Variants in FBP1 observed in about 807,000 individuals in gnomAD.
FBP1 encodes the protein fructose-1,6-bisphosphatase 1.
Under a neutral mutation model 29.9 loss-of-function variants are expected in FBP1, and 22 were observed. The ratio of observed to expected loss-of-function variants is 0.74; its 90% CI spans 0.53 to 1.05. The LOEUF (loss-of-function observed/expected upper bound fraction) is 1.05, where lower values mean the gene tolerates loss of function less well. Among genes scored for constraint, FBP1 ranks in the 50% least tolerant of loss-of-function variants. The pLI is 0.00. For synonymous variants in FBP1, 175 were observed against 178.6 expected (o/e 0.98, Z 0.16); for missense variants, 345 against 448.2 (o/e 0.77, Z 2.08).
At chr9:94,633,766 G>A (rs1319622554) in intron 1 of FBP1, among the ~76,000 whole-genome samples, 3 of 151,672 alleles carry the variant, frequency 2.0e-5, no homozygotes, top group African/African-American at 7.3e-5. Context: ...GTGCAGTGGC[G>A]CGATCTCGGC....
At chr9:94,618,373 C>T (rs1463613210) in intron 2 of FBP1, among the ~76,000 whole-genome samples, 1 of 147,612 alleles carries the variant, frequency 6.8e-6, no homozygotes, top group Non-Finnish European at 1.5e-5. Context: ...CTAATCCTAG[C>T]ACTTTGGGAG....
In FBP1 at chr9:94,603,392, A is replaced by C; in HGVS notation, c.1006T>G (p.Ser336Ala). 2 of 1,613,680 alleles carry C rather than the reference A, an allele frequency of 1.2e-6. No individual in the cohort carries two copies. Among genetic ancestry groups the C allele is most frequent in the South Asian group, 1.1e-5 (1 of 90,916 alleles). ...LEFLKVYEKH[S>A]AQ Reference sequence around the variant, plus strand: ...GGCAGGGCAGGTGCTCACTGGGCAGAGTGCTTCTCATACACCTTCAGGAAC... The same window carrying C: ...GGCAGGGCAGGTGCTCACTGGGCAGCGTGCTTCTCATACACCTTCAGGAAC... Residue 336 changes from serine (S) to alanine (A), a missense_variant, in exon 7 of 7, where the codon TCT (serine) becomes GCT (alanine). Transcript: ENST00000375326.
At chr9:94,637,178 T>C (rs1434498414) in intron 1 of FBP1, among the ~76,000 whole-genome samples, 7 of 152,120 alleles carry the variant, frequency 4.6e-5, no homozygotes, top group African/African-American at 1.4e-4. Context: ...CCTTAACATG[T>C]CTGCTTAATA....
At chr9:94,610,207 A>G in intron 3 of FBP1, 146 bp from the exon 4 acceptor site, 1 of 791,538 alleles carries the variant, frequency 1.3e-6, no homozygotes, top group Non-Finnish European at 2.1e-6. Context: ...ACACATCAGC[A>G]ATATCCTGAT....
chr9:94,639,663 C>T (rs1828256505), upstream of FBP1, among the ~76,000 whole-genome samples: 1 of 152,090 alleles, frequency 6.6e-6, no homozygotes, highest in Non-Finnish European at 1.5e-5. Flanking sequence ...GGGATCCTCC[C>T]TGCGGTCTCC....
intron 4 of FBP1, 48 bp from the exon 5 acceptor site, chr9:94,607,000 T>A (rs1489518577): frequency 2.5e-6 from 4 of 1,612,724 alleles, no homozygotes; most frequent in South Asian, 2.2e-5. Context: ...GCGCACTGGG[T>A]CCCCCAGGCC....
At chr9:94,607,343 C>T (rs1389494307) in intron 4 of FBP1, among the ~76,000 whole-genome samples, 1 of 152,158 alleles carries the variant, frequency 6.6e-6, no homozygotes, top group African/African-American at 2.4e-5. Flanking sequence ...AGGGTTGGTT[C>T]AGGCGGGAGG....
At chr9:94,632,966 G>A (rs1001491207) in intron 1 of FBP1, among the ~76,000 whole-genome samples, 1 of 152,202 alleles carries the variant, frequency 6.6e-6, no homozygotes, top group Non-Finnish European at 1.5e-5. Context: ...CAGGGCAAGC[G>A]TGCCAAAACA....
Position 94,606,803 on chromosome 9 carries a change from GCCCTCACTTACTGGGGGGAACTTCTTC to G in FBP1, c.690_705+11del. On this transcript the variant is annotated splice_donor_variant and splice_donor_5th_base_variant and coding_sequence_variant and intron_variant, in exon 5 of 7. Transcript: ENST00000375326. LOFTEE classifies it high-confidence loss of function. ...CCAGAACCTGCACCACCCTCCCCGG[GCCCTCACTTACTGGGGGGAACTTCTTC>G]CTCTGGATGTACTCAGTGACGGCAG... 1 of 1,612,690 alleles carries G rather than the reference GCCCTCACTTACTGGGGGGAACTTCTTC, an allele frequency of 6.2e-7. No individual in the cohort carries two copies. The highest frequency in any genetic ancestry group is 1.7e-4 in the Middle Eastern group (1 of 5,762).
At chr9:94,625,806 G>A (rs1194899814) in intron 1 of FBP1, among the ~76,000 whole-genome samples, 1 of 151,688 alleles carries the variant, frequency 6.6e-6, no homozygotes, top group Non-Finnish European at 1.5e-5. Flanking sequence ...AAGAAAGAAT[G>A]ACGGAGCTGC....
intron 1 of FBP1, among the ~76,000 whole-genome samples, chr9:94,627,005 A>G (rs7041595): frequency 0.36 from 55,143 of 151,928 alleles, 10,180 homozygotes; most frequent in Admixed American, 0.42. Context: ...CCTGACCAAC[A>G]TGGAGAAACC....
chr9:94,604,416 A>G (rs1325393593), intron 6 of FBP1, among the ~76,000 whole-genome samples: 5 of 151,834 alleles, frequency 3.3e-5, no homozygotes, highest in Non-Finnish European at 5.9e-5. Context: ...TGCTGCAAAC[A>G]GACCCAAATA....
At position 94,617,907 on chromosome 9, in the gene FBP1, T is replaced by G. The variant is rs1380341440; in HGVS notation, c.334-47A>C. 2.9e-6 allele frequency: 4 copies of G among 1,389,546 alleles called. No individual in the cohort carries two copies. In the South Asian group the frequency reaches 4.6e-5, roughly 16 times the overall value. The allele number at this position is 1,389,546 out of a possible 1,614,324, so 86.1% of individuals were successfully genotyped here. On this transcript the variant is annotated intron_variant, in intron 2 of 6. Coordinates refer to ENST00000375326, the MANE Select transcript of FBP1 (RefSeq NM_000507.4). ...ACAACCTTAAAATGTTATAGCAAGA[T>G]ACACTAAAGGAGTATACATTAGGGG...
Position 94,604,286 on chromosome 9 carries a change from C to T in FBP1, c.826-714G>A, listed in dbSNP as rs543886996. On this transcript the variant is annotated intron_variant, in intron 6 of 6. Transcript: ENST00000375326. ...CAATATTTGTGTTCAGGAACAATTT[C>T]GGGGGACTTTAGAGAAAAGTGCTGG... 9.9e-5 allele frequency among the ~76,000 whole-genome samples: 15 copies of T among 151,896 alleles called. No homozygotes were observed. In the East Asian group the frequency reaches 1.6e-3, roughly 16 times the overall value.
intron 3 of FBP1, among the ~76,000 whole-genome samples, chr9:94,612,481 C>T (rs369182933): frequency 1.3e-5 from 2 of 151,322 alleles, no homozygotes; most frequent in African/African-American, 4.9e-5. Context: ...CCCACATACT[C>T]AAAACGAAGA....
chr9:94,607,064 G>T, intron 4 of FBP1, 112 bp from the exon 5 acceptor site: 1 of 1,434,178 alleles, frequency 7.0e-7, no homozygotes, highest in Non-Finnish European at 9.8e-7. Flanking sequence ...GCGGCGCACG[G>T]GCACCACTCA....
chr9:94,628,586 C>A (rs928369785), intron 1 of FBP1, among the ~76,000 whole-genome samples: 2 of 152,248 alleles, frequency 1.3e-5, no homozygotes, highest in South Asian at 4.1e-4. Context: ...CTGTTGGCAA[C>A]AGAATTTAAA....
At chr9:94,621,409 T>A (rs72745274) in intron 1 of FBP1, among the ~76,000 whole-genome samples, 66,121 of 147,130 alleles carry the variant, frequency 0.45, 15,551 homozygotes, top group East Asian at 0.78. Flanking sequence ...ATATATATAT[T>A]TTTAGAAGAA....
At chr9:94,639,776 C>T (rs567410526), upstream of FBP1, among the ~76,000 whole-genome samples, 1 of 151,182 alleles carries the variant, frequency 6.6e-6, no homozygotes, top group South Asian at 2.1e-4. Flanking sequence ...GAGCGGGACT[C>T]GGGCCATCGG....
Sources: allele counts gnomAD v4.1 joint callset (sites outside exome capture counted in the v4.1 genomes callset), GRCh38; gene constraint gnomAD v4.1.1; transcripts MANE v1.5; gene names NCBI Gene and HGNC (gene_info 2026-07-23, HGNC 2026-07-21).